RHPN2: variants seen among roughly 807,000 people sequenced by gnomAD.
RHPN2 encodes the protein rhophilin Rho GTPase binding protein 2.
Under a neutral mutation model 79.0 loss-of-function variants are expected in RHPN2, and 40 were observed. The ratio of observed to expected loss-of-function variants is 0.51; its 90% CI spans 0.39 to 0.66. The LOEUF is 0.66. RHPN2 is among the 30% of genes least tolerant of loss of function. The pLI is 0.00. For synonymous variants in RHPN2, 285 were observed against 363.5 expected, an observed-to-expected ratio of 0.78 and a Z score of 2.46; for missense variants, 686 against 883.5, an observed-to-expected ratio of 0.78 and a Z score of 2.83.
chr19:33,013,989 CT>C (rs1038691482), intron 4 of RHPN2, among the ~76,000 whole-genome samples: 3 of 151,878 alleles, frequency 2.0e-5, no homozygotes, highest in South Asian at 2.1e-4. Flanking sequence ...AATCCTCCTA[CT>C]TCAGCCTCCC....
chr19:33,046,831 G>C (rs189098456), intron 1 of RHPN2, among the ~76,000 whole-genome samples: 1 of 151,764 alleles, frequency 6.6e-6, no homozygotes, highest in Non-Finnish European at 1.5e-5. Flanking sequence ...TATCTTCTTC[G>C]AAGAAATATC....
At chr19:33,023,980 G>A (rs1971946484) in intron 3 of RHPN2, among the ~76,000 whole-genome samples, 1 of 152,048 alleles carries the variant, frequency 6.6e-6, no homozygotes, top group African/African-American at 2.4e-5. Context: ...CTGCTCTTCG[G>A]CATGGCAAAT....
intron 2 of RHPN2, among the ~76,000 whole-genome samples, chr19:33,030,593 A>G (rs8109827): frequency 0.53 from 80,706 of 151,830 alleles, 25,139 homozygotes; most frequent in African/African-American, 0.86. Context: ...ACTCCATCAC[A>G]AAAAAAAGAA....
intron 5 of RHPN2, 130 bp from the exon 6 acceptor site, chr19:33,011,933 C>A (rs775153536): frequency 5.1e-6 from 6 of 1,186,508 alleles, no homozygotes; most frequent in Non-Finnish European, 7.3e-6. Context: ...TCGCTACTGG[C>A]ATCGTAAACT....
chr19:32,985,501 G>A (rs570285716), intron 14 of RHPN2, among the ~76,000 whole-genome samples: 12 of 152,268 alleles, frequency 7.9e-5, no homozygotes, highest in African/African-American at 2.6e-4. Context: ...GCTGGGTATG[G>A]TGTTCCATGC....
At chr19:32,983,094 A>ACACACT (rs1164579516) in intron 14 of RHPN2, among the ~76,000 whole-genome samples, 4 of 132,740 alleles carry the variant, frequency 3.0e-5, no homozygotes, top group African/African-American at 1.1e-4. Context: ...ACACACACAC[A>ACACACT]CTCCTGCAAT....
intron 2 of RHPN2, among the ~76,000 whole-genome samples, chr19:33,030,105 G>T (rs1291315715): frequency 6.6e-6 from 1 of 152,132 alleles, no homozygotes; most frequent in East Asian, 1.9e-4. Flanking sequence ...TATCAGTCTG[G>T]GAATGGTGAG....
chr19:33,033,841 T>A (rs1484286912), intron 2 of RHPN2, among the ~76,000 whole-genome samples: 1 of 151,858 alleles, frequency 6.6e-6, no homozygotes. Context: ...CACTCCAGCC[T>A]GGGCAACAAG....
Position 32,979,000 on chromosome 19 carries a change from C to A in RHPN2, c.*996G>T, listed in dbSNP as rs1323792143. On this transcript the variant is annotated 3_prime_UTR_variant, in exon 15 of 15. Coordinates refer to ENST00000254260, the MANE Select transcript of RHPN2 (RefSeq NM_033103.5). The stretch of plus-strand genomic sequence containing the variant: ...TCACCTCAACTAAAAATACAAAAAT[C>A]AGCCAGGCATGCTGGAGGGCACCTT... 1.3e-5 allele frequency: 2 copies of A among 151,962 alleles called. No homozygotes were observed. The highest frequency in any genetic ancestry group is 4.8e-5 in the African/African-American group (2 of 41,362). The allele number at this position is 151,962 out of a possible 1,614,324, so 9.4% of individuals were successfully genotyped here.
At chr19:33,016,299 C>T (rs113294290) in intron 4 of RHPN2, among the ~76,000 whole-genome samples, 5,299 of 151,984 alleles carry the variant, frequency 0.035, 124 homozygotes, top group Non-Finnish European at 0.054. Context: ...GCAGCCTCGA[C>T]CTCTTGGGCT....
chr19:33,036,038 AC>A (rs566180578), intron 2 of RHPN2, among the ~76,000 whole-genome samples: 132 of 151,080 alleles, frequency 8.7e-4, no homozygotes, highest in African/African-American at 3.1e-3. Flanking sequence ...AATGGCATGA[AC>A]CCGGGAGGCA....
At chr19:33,053,849 G>A (rs1475892382) in intron 1 of RHPN2, among the ~76,000 whole-genome samples, 2 of 151,424 alleles carry the variant, frequency 1.3e-5, no homozygotes, top group African/African-American at 2.4e-5. Context: ...TTACAGGTGT[G>A]AGCCACCGCG....
rs1809456022 is a variant in RHPN2, at chr19:33,064,887, C to G, written c.-35G>C. On this transcript the variant is annotated 5_prime_UTR_variant, in exon 1 of 15. Coordinates refer to ENST00000254260, the MANE Select transcript of RHPN2 (RefSeq NM_033103.5). ...GCGGGCGCGGAGGGCGGACGGCGGA[C>G]TGAGGCGCGGCGGCTGAGGCTGGCC... is the stretch of plus-strand genomic sequence containing the variant. 3.4e-6 allele frequency: 5 copies of G among 1,485,670 alleles called. No individual in the cohort carries two copies. Among genetic ancestry groups the G allele is most frequent in the Non-Finnish European group, 4.4e-6 (5 of 1,124,102 alleles). The allele number at this position is 1,485,670 out of a possible 1,614,324, so 92.0% of individuals were successfully genotyped here.
rs1971555568 is a variant in RHPN2, at chr19:32,979,384, G to A, written c.*612C>T. 6.5e-6 allele frequency: 1 copy of A among 153,078 alleles called. No homozygotes were observed. The highest frequency in any genetic ancestry group is 1.5e-5 in the Non-Finnish European group (1 of 68,388). The allele number at this position is 153,078 out of a possible 1,614,324, so 9.5% of individuals were successfully genotyped here. A position where few individuals can be genotyped will look rare whatever the true frequency, so the allele number is the denominator to read the frequency against. Reference sequence around the variant, plus strand: ...ATTCTTAAATGACATCAAACTAGAAGAAAAGCTGCTCCTACATTGTTTTTA... The same window carrying A: ...ATTCTTAAATGACATCAAACTAGAAAAAAAGCTGCTCCTACATTGTTTTTA... On this transcript the variant is annotated 3_prime_UTR_variant, in exon 15 of 15. Transcript: ENST00000254260.
At chr19:33,026,710 C>A in intron 2 of RHPN2, 78 bp from the exon 3 acceptor site, 1 of 1,530,468 alleles carries the variant, frequency 6.5e-7, no homozygotes, top group South Asian at 1.1e-5. Flanking sequence ...AATCCCCAGT[C>A]CCTGCAGGGA....
chr19:33,008,013 C>A lies in RHPN2; in HGVS notation c.760+1G>T, dbSNP rs772781302. The stretch of plus-strand genomic sequence containing the variant: ...TCTGGTCAGCCCTGGAGGAGACATA[C>A]CTGCGGCTCTCTGAAAGGCATCTAT... On this transcript the variant is annotated splice_donor_variant, in intron 7 of 14. Coordinates refer to ENST00000254260, the MANE Select transcript of RHPN2 (RefSeq NM_033103.5). LOFTEE classifies it high-confidence loss of function. 3 of 1,612,124 alleles carry A rather than the reference C, an allele frequency of 1.9e-6. No homozygotes were observed. Among genetic ancestry groups the A allele is most frequent in the East Asian group, 2.2e-5 (1 of 44,854 alleles).
chr19:33,001,561 T>TA (rs1971749255), intron 9 of RHPN2, among the ~76,000 whole-genome samples: 1 of 151,958 alleles, frequency 6.6e-6, no homozygotes, highest in Non-Finnish European at 1.5e-5. Flanking sequence ...TAAAATAAAA[T>TA]AAAATTCCGA....
intron 2 of RHPN2, among the ~76,000 whole-genome samples, chr19:33,034,835 A>G (rs565322583): frequency 5.3e-5 from 8 of 151,224 alleles, no homozygotes; most frequent in Non-Finnish European, 1.0e-4. Context: ...GAAGTGGGTC[A>G]TTCCTATGAT....
In RHPN2 at chr19:33,012,038, CTTTTTTT is replaced by C. The variant is rs34140133; in HGVS notation, c.469-242_469-236del. On this transcript the variant is annotated intron_variant, in intron 5 of 14. Coordinates refer to ENST00000254260, the MANE Select transcript of RHPN2 (RefSeq NM_033103.5). ...GCTCTCCCCTTCTATGGTTTTCCTT[CTTTTTTT>C]TTTTTTTTTTTTGAGACAGAGTCTT... is the stretch of plus-strand genomic sequence containing the variant. Among the ~76,000 whole-genome samples the C allele has an allele frequency of 9.5e-5, 12 of 126,380 alleles. No individual in the cohort carries two copies. In the East Asian group the frequency reaches 1.7e-3, roughly 18 times the overall value. 82.9% of individuals were successfully genotyped at this position (126,380 alleles called of 152,430 possible). A position where few individuals can be genotyped will look rare whatever the true frequency, so the allele number is the denominator to read the frequency against.
Sources: allele counts gnomAD v4.1 joint callset (sites outside exome capture counted in the v4.1 genomes callset), GRCh38; gene constraint gnomAD v4.1.1; transcripts MANE v1.5; gene names NCBI Gene and HGNC (gene_info 2026-07-23, HGNC 2026-07-21).